The following IFT57 variants were observed in gnomAD, a reference collection of about 807,000 sequenced individuals.
The protein encoded by IFT57 is intraflagellar transport 57, also known as intraflagellar transport protein 57 homolog.
A neutral mutation model predicts 56.8 loss-of-function variants in IFT57; 59 were observed. The observed-to-expected ratio is 1.04, with a 90% confidence interval of 0.84 to 1.29. The LOEUF (loss-of-function observed/expected upper bound fraction) is 1.29. IFT57 is among the 50% of genes most tolerant of loss of function. The pLI is 0.00. For missense variants in IFT57, 470 were observed against 522.1 expected, an observed-to-expected ratio of 0.90 and a Z score of 0.97; for synonymous variants, 209 against 186.1, an observed-to-expected ratio of 1.12 and a Z score of -1.00.
At chr3:108,181,060 C>T (rs1035227693) in intron 6 of IFT57, among the ~76,000 whole-genome samples, 2 of 151,998 alleles carry the variant, frequency 1.3e-5, no homozygotes, top group African/African-American at 4.8e-5. Context: ...TTAGTTACAA[C>T]TTACGGTAAT....
Position 108,166,865 on chromosome 3 carries a change from G to T in IFT57, c.970C>A (p.Gln324Lys), listed in dbSNP as rs368571125. 6.2e-7 allele frequency: 1 copy of T among 1,608,248 alleles called. No individual in the cohort carries two copies. The highest frequency in any genetic ancestry group is 1.3e-5 in the African/African-American group (1 of 74,752). The part of the protein sequence containing the change: ...LVQEYRAAQA[Q>K]LSEAKERYQQ... Reference sequence around the variant, plus strand: ...CATTCTTAAATTACCTCACTCAGCTGGGCTTGAGCTGCACGATATTCTTGA... The same window carrying T: ...CATTCTTAAATTACCTCACTCAGCTTGGCTTGAGCTGCACGATATTCTTGA... The change falls in exon 8 of 11, where the codon CAG becomes AAG. Residue 324 changes from glutamine to lysine, a missense_variant. Transcript: ENST00000264538.
At chr3:108,191,017 T>TCCTGA (rs1477790787) in intron 6 of IFT57, among the ~76,000 whole-genome samples, 3 of 152,160 alleles carry the variant, frequency 2.0e-5, no homozygotes, top group Non-Finnish European at 4.4e-5. Flanking sequence ...GGTCTCGAAC[T>TCCTGA]CCTGACCTCA....
In IFT57 at chr3:108,205,877, ATAT is replaced by A. The variant is rs2080307528; in HGVS notation, c.654+748_654+750del. Among the ~76,000 whole-genome samples the A allele has an allele frequency of 4.4e-5, 6 of 134,846 alleles. 1 individual carries two copies. In the South Asian group the frequency reaches 1.3e-3, roughly 29 times the overall value. 88.5% of individuals were successfully genotyped at this position (134,846 alleles called of 152,430 possible). A position where few individuals can be genotyped will look rare whatever the true frequency, so the allele number is the denominator to read the frequency against. The stretch of plus-strand genomic sequence containing the variant: ...TATATTTATATAACATATTTATTAT[ATAT>A]TAATATATTTATAATACATAATTAT... On this transcript the variant is annotated intron_variant, in intron 5 of 10. Coordinates refer to ENST00000264538, the MANE Select transcript of IFT57 (RefSeq NM_018010.4).
intron 4 of IFT57, 94 bp from the exon 5 acceptor site, chr3:108,206,790 C>T (rs944665478): frequency 6.3e-6 from 2 of 316,440 alleles, no homozygotes; most frequent in Non-Finnish European, 1.1e-5. Flanking sequence ...CTATATTAAG[C>T]TTGATATAAA....
chr3:108,211,360 A>G (rs2080341822), intron 4 of IFT57, among the ~76,000 whole-genome samples: 1 of 152,256 alleles, frequency 6.6e-6, no homozygotes, highest in African/African-American at 2.4e-5. Flanking sequence ...TCTGAGCTTG[A>G]ACGGAAAGAT....
intron 6 of IFT57, among the ~76,000 whole-genome samples, chr3:108,177,498 GATAAT>G (rs1409194698): frequency 6.6e-6 from 1 of 151,604 alleles, no homozygotes; most frequent in Non-Finnish European, 1.5e-5. Context: ...ATGTAAGGAG[GATAAT>G]ATATCATAAT....
At chr3:108,177,283 TAAGA>T (rs1235390242) in intron 6 of IFT57, among the ~76,000 whole-genome samples, 3 of 151,674 alleles carry the variant, frequency 2.0e-5, no homozygotes, top group Non-Finnish European at 4.4e-5. Context: ...CCCAAACATT[TAAGA>T]AATAATTAAC....
rs531281979 is a variant in IFT57 at position 108,199,085 on chromosome 3, G to A, written c.655-7442C>T. ...AAATGTTCTCATCTTACATAACTTT[G>A]GGCTAATTATGAATAAAGGGGTACA... On this transcript the variant is annotated intron_variant, in intron 5 of 10. Coordinates refer to ENST00000264538, the MANE Select transcript of IFT57 (RefSeq NM_018010.4). Among the ~76,000 whole-genome samples, 272 of 151,982 alleles carry A rather than the reference G, an allele frequency of 1.8e-3. 3 individuals are homozygous for A. The highest frequency in any genetic ancestry group is 3.4e-3 in the Middle Eastern group (1 of 294).
At chr3:108,185,910 T>A (rs2080179192) in intron 6 of IFT57, among the ~76,000 whole-genome samples, 1 of 152,052 alleles carries the variant, frequency 6.6e-6, no homozygotes, top group Non-Finnish European at 1.5e-5. Context: ...GGAAGTACCT[T>A]GTTAGTAAGG....
At chr3:108,168,032 C>A (rs1343451147) in intron 6 of IFT57, among the ~76,000 whole-genome samples, 168 bp from the exon 7 acceptor site, 1 of 151,896 alleles carries the variant, frequency 6.6e-6, no homozygotes, top group African/African-American at 2.4e-5. Flanking sequence ...GTGTAGAGCA[C>A]TTTAGGATAA....
rs2080215735 is a variant in IFT57 at position 108,191,642 on chromosome 3, T to A, written c.656A>T (p.Asp219Val). The A allele has an allele frequency of 5.0e-6, 8 of 1,590,830 alleles. No homozygotes were observed. The highest frequency in any genetic ancestry group is 6.8e-6 in the Non-Finnish European group (8 of 1,171,972). ...TTCTTGTTTGGCAGTCTCGTTCATA[T>A]CCTAAGAAAGGAAAGATATCACAAG... is the stretch of plus-strand genomic sequence containing the variant. ...NVLKAQTYHLDMNETAKQEDI... is the reference protein window; with the variant it reads ...NVLKAQTYHLVMNETAKQEDI... The change falls in exon 6 of 11, where the codon GAT becomes GTT. Residue 219 changes from aspartate to valine, a missense_variant and splice_region_variant. Asp to Val is a radical substitution (Grantham distance 152). Transcript: ENST00000264538.
At chr3:108,188,510 A>G (rs1054261656) in intron 6 of IFT57, among the ~76,000 whole-genome samples, 13 of 152,336 alleles carry the variant, frequency 8.5e-5, no homozygotes, top group African/African-American at 3.1e-4. Context: ...AGTAGTTTTT[A>G]CCACAAAGAT....
chr3:108,167,157 C>T, intron 7 of IFT57, 172 bp from the exon 8 acceptor site: 3 of 574,248 alleles, frequency 5.2e-6, no homozygotes, highest in Non-Finnish European at 9.0e-6. Flanking sequence ...AATATTTTAA[C>T]CACACTTAGA....
At chr3:108,205,772 AATATT>A (rs897487846) in intron 5 of IFT57, among the ~76,000 whole-genome samples, 9 of 142,760 alleles carry the variant, frequency 6.3e-5, no homozygotes, top group African/African-American at 2.3e-4. Flanking sequence ...TAATATATAA[AATATT>A]ATAACATATT....
chr3:108,186,527 G>A (rs2080184068), intron 6 of IFT57, among the ~76,000 whole-genome samples: 1 of 152,102 alleles, frequency 6.6e-6, no homozygotes, highest in African/African-American at 2.4e-5. Context: ...TCTGGCAGAA[G>A]GGCTCTGATT....
At chr3:108,213,223 G>A (rs752611087) in intron 4 of IFT57, among the ~76,000 whole-genome samples, 2 of 152,060 alleles carry the variant, frequency 1.3e-5, no homozygotes, top group Non-Finnish European at 2.9e-5. Flanking sequence ...AGTTATATGT[G>A]GATATTCAAC....
intron 5 of IFT57, among the ~76,000 whole-genome samples, chr3:108,195,115 C>T (rs924038495): frequency 3.3e-5 from 5 of 151,898 alleles, no homozygotes; most frequent in African/African-American, 1.2e-4. Flanking sequence ...GTTCAAACAA[C>T]TCAGTAGGAA....
chr3:108,203,348 C>A (rs963595979), intron 5 of IFT57, among the ~76,000 whole-genome samples: 3 of 152,200 alleles, frequency 2.0e-5, no homozygotes, highest in Non-Finnish European at 4.4e-5. Context: ...GAGAACACAA[C>A]CTGCTTATGA....
chr3:108,199,482 T>G, intron 5 of IFT57, among the ~76,000 whole-genome samples: 1 of 151,928 alleles, frequency 6.6e-6, no homozygotes, highest in East Asian at 1.9e-4. Flanking sequence ...AAGATCAAAA[T>G]GAGAAAAGAG....
Sources: gnomAD v4.1 joint callset for allele counts (sites outside exome capture counted in the v4.1 genomes callset) on GRCh38, gnomAD v4.1.1 for gene constraint, MANE v1.5 for transcripts, NCBI Gene and HGNC (gene_info 2026-07-23, HGNC 2026-07-21) for gene names.